The following MECOM variants were observed in gnomAD, a reference collection of about 807,000 sequenced individuals.
MECOM encodes the protein MDS1 and EVI1 complex locus, also known as histone-lysine N-methyltransferase MECOM.
MECOM carries 13 observed loss-of-function variants against 116.3 expected under a neutral mutation model. The observed-to-expected ratio is 0.11, with a 90% CI of 0.07 to 0.18. The LOEUF (loss-of-function observed/expected upper bound fraction) is 0.18, where lower values mean the gene tolerates loss of function less well. MECOM is among the 10% of genes least tolerant of loss of function. The probability of loss-of-function intolerance (pLI) is 1.00; values close to 1 mark genes in which losing one functional copy is unlikely to be tolerated. For synonymous variants in MECOM, 528 were observed against 535.2 expected (o/e 0.99, Z 0.19); for missense variants, 1,299 against 1,509.0 (o/e 0.86, Z 2.31).
intron 1 of MECOM, among the ~76,000 whole-genome samples, chr3:169,592,226 G>C (rs925236757): frequency 2.0e-5 from 3 of 152,174 alleles, no homozygotes; most frequent in Non-Finnish European, 4.4e-5. Context: ...CAGGGTGTCT[G>C]CTGTTCACAA....
At chr3:169,599,832 T>C (rs993541420) in intron 1 of MECOM, among the ~76,000 whole-genome samples, 1 of 152,194 alleles carries the variant, frequency 6.6e-6, no homozygotes, top group African/African-American at 2.4e-5. Context: ...ATTCAGGAAT[T>C]TCAAAGACTG....
intron 1 of MECOM, among the ~76,000 whole-genome samples, chr3:169,656,085 T>G (rs1775512158): frequency 1.3e-5 from 2 of 152,238 alleles, no homozygotes; most frequent in South Asian, 4.1e-4. Flanking sequence ...GGTTTGCCCG[T>G]GCACAGGGCC....
chr3:169,486,014 A>ATATGTATATATAGTATATATATATATG (rs1752311447), intron 1 of MECOM, among the ~76,000 whole-genome samples: 1 of 127,950 alleles, frequency 7.8e-6, no homozygotes, highest in African/African-American at 3.1e-5. Flanking sequence ...TACTATATAT[A>ATATGTATATATAGTATATATATATATG]TATGTATATA....
intron 1 of MECOM, among the ~76,000 whole-genome samples, chr3:169,414,175 A>C (rs1738124617): frequency 1.3e-5 from 2 of 152,206 alleles, no homozygotes; most frequent in African/African-American, 4.8e-5. Flanking sequence ...CCTGGTATGA[A>C]GCTTCCAGAG....
chr3:169,567,159 G>A (rs971451636), intron 1 of MECOM, among the ~76,000 whole-genome samples: 1 of 152,230 alleles, frequency 6.6e-6, no homozygotes, highest in African/African-American at 2.4e-5. Context: ...TCTGGGCCTA[G>A]GCCACTCTTC....
At chr3:169,367,826 G>GCTGAT (rs146585570) in intron 2 of MECOM, among the ~76,000 whole-genome samples, 8,964 of 152,052 alleles carry the variant, frequency 0.059, 320 homozygotes, top group East Asian at 0.15. Context: ...TGTTCTTGAA[G>GCTGAT]CTGATTGTCT....
chr3:169,424,308 T>C (rs1740278463), intron 1 of MECOM, among the ~76,000 whole-genome samples: 1 of 152,100 alleles, frequency 6.6e-6, no homozygotes. Context: ...AAGCTGAAAA[T>C]AGCATCCTTT....
chr3:169,128,092 T>C (rs759093997), intron 4 of MECOM, 32 bp from the exon 5 acceptor site: 5 of 1,604,056 alleles, frequency 3.1e-6, no homozygotes, highest in Non-Finnish European at 4.3e-6. Context: ...TAGGATTGGG[T>C]GGTCAGGAAT....
chr3:169,658,658 G>T (rs1325813431), intron 1 of MECOM, among the ~76,000 whole-genome samples: 2 of 152,164 alleles, frequency 1.3e-5, no homozygotes, highest in African/African-American at 4.8e-5. Flanking sequence ...CCACCTCACT[G>T]GGGCTTCCCC....
intron 1 of MECOM, among the ~76,000 whole-genome samples, chr3:169,485,056 A>G (rs1751943966): frequency 6.6e-6 from 1 of 152,092 alleles, no homozygotes; most frequent in African/African-American, 2.4e-5. Context: ...GTGAAGTGGT[A>G]TGATATCGGC....
intron 2 of MECOM, among the ~76,000 whole-genome samples, chr3:169,370,742 T>C (rs1172222538): frequency 6.6e-6 from 1 of 151,948 alleles, no homozygotes; most frequent in Non-Finnish European, 1.5e-5. Context: ...AATAGATGTT[T>C]TTTCAAAGAA....
chr3:169,614,828 G>T (rs1367063723), intron 1 of MECOM: 1 of 152,184 alleles, frequency 6.6e-6, no homozygotes, highest in Non-Finnish European at 1.5e-5. Flanking sequence ...ACCCAGTTAA[G>T]CTCTGCACAC....
chr3:169,564,384 G>A (rs1010630122), intron 1 of MECOM, among the ~76,000 whole-genome samples: 1 of 152,090 alleles, frequency 6.6e-6, no homozygotes, highest in Non-Finnish European at 1.5e-5. Context: ...TAGGAAAAAA[G>A]TAGTAAAAGC....
At chr3:169,178,733 G>A (rs893172728) in intron 2 of MECOM, among the ~76,000 whole-genome samples, 17 of 152,000 alleles carry the variant, frequency 1.1e-4, no homozygotes, top group Admixed American at 1.1e-3. Flanking sequence ...TAATTTCTAG[G>A]TTGTGATAAA....
In MECOM at chr3:169,127,918, G is replaced by A. The variant is rs539169252; in HGVS notation, c.756C>T (p.Ser252=). The change falls in exon 5 of 17, where the codon AGC becomes AGT. Residue 252 remains serine, a synonymous_variant. Coordinates refer to ENST00000651503, the MANE Select transcript of MECOM (RefSeq NM_004991.4). ...VEEDFQQKLE[S]ENDLQEIHTI... ...TGTGTATCTCTTGGAGATCATTCTCGCTTTCGAGTTTTTGCTGAAAGTCCT... is the reference window on the plus strand; with the variant it reads ...TGTGTATCTCTTGGAGATCATTCTCACTTTCGAGTTTTTGCTGAAAGTCCT... The A allele has an allele frequency of 3.0e-4, 480 of 1,613,956 alleles. 9 individuals are homozygous for A. In the South Asian group the frequency reaches 4.1e-3, roughly 14 times the overall value.
At chr3:169,519,866 C>G (rs1438317734) in intron 1 of MECOM, among the ~76,000 whole-genome samples, 2 of 152,258 alleles carry the variant, frequency 1.3e-5, no homozygotes, top group Non-Finnish European at 2.9e-5. Context: ...CCCATTCAGG[C>G]ATGTTGTTCA....
intron 2 of MECOM, among the ~76,000 whole-genome samples, chr3:169,314,714 A>G (rs1296144807): frequency 6.6e-6 from 1 of 151,956 alleles, no homozygotes; most frequent in Non-Finnish European, 1.5e-5. Context: ...AAATGGGGAG[A>G]AAAAAAAGCA....
At chr3:169,251,125 A>G (rs555650836) in intron 2 of MECOM, among the ~76,000 whole-genome samples, 10 of 152,360 alleles carry the variant, frequency 6.6e-5, no homozygotes, top group African/African-American at 2.2e-4. Flanking sequence ...TAACATTTCT[A>G]TTCTTAAGAA....
chr3:169,185,353 G>A (rs1017328598), intron 2 of MECOM, among the ~76,000 whole-genome samples: 5 of 152,114 alleles, frequency 3.3e-5, no homozygotes, highest in African/African-American at 1.2e-4. Flanking sequence ...AAGCCAGAGA[G>A]GACATAGAGT....
Sources: allele counts gnomAD v4.1 joint callset (sites outside exome capture counted in the v4.1 genomes callset), GRCh38; gene constraint gnomAD v4.1.1; transcripts MANE v1.5; gene names NCBI Gene and HGNC (gene_info 2026-07-23, HGNC 2026-07-21).